The following CENPF variants were observed in gnomAD, a reference collection of about 807,000 sequenced individuals.
CENPF encodes AH antigen.
Under a neutral mutation model 307.3 loss-of-function variants are expected in CENPF, and 214 were observed. That is an observed-to-expected ratio of 0.70 (90% CI 0.62 to 0.78). The LOEUF is 0.78. CENPF is among the 30% of genes least tolerant of loss of function. The probability of loss-of-function intolerance (pLI) is 0.00; values close to 1 mark genes in which losing one functional copy is unlikely to be tolerated. For missense variants in CENPF, 3,401 were observed against 3,483.9 expected, an observed-to-expected ratio of 0.98 and a Z score of 0.60; for synonymous variants, 1,259 against 1,270.6, an observed-to-expected ratio of 0.99 and a Z score of 0.19.
intron 7 of CENPF, among the ~76,000 whole-genome samples, chr1:214,622,560 A>G (rs188939325): frequency 2.9e-4 from 44 of 152,306 alleles, no homozygotes; most frequent in African/African-American, 1.0e-3. Context: ...TATATATAGC[A>G]TCTAGCATGA....
chr1:214,651,508 C>T (rs1221837785), intron 14 of CENPF, among the ~76,000 whole-genome samples: 2 of 152,016 alleles, frequency 1.3e-5, no homozygotes, highest in Non-Finnish European at 2.9e-5. Flanking sequence ...GGTGGTTGGG[C>T]TGGAGCAGAG....
rs1658712812 is a variant in CENPF, at chr1:214,658,795, C to T, written c.8963-55C>T. 5.8e-6 allele frequency: 9 copies of T among 1,539,934 alleles called. No homozygotes were observed. The Admixed American group carries it at 1.6e-4, about 27-fold the overall frequency. On this transcript the variant is annotated intron_variant, in intron 18 of 19. Coordinates refer to ENST00000366955, the MANE Select transcript of CENPF (RefSeq NM_016343.4). ...AAAACCACCTAATGAATATCTTTTC[C>T]ACTGTAGATAGAATTGGACCTAGCA...
Position 214,645,071 on chromosome 1 carries a change from A to T in CENPF, c.5501A>T (p.Glu1834Val). Residue 1834 changes from glutamate to valine, a missense_variant, in exon 13 of 20, where the codon GAA (glutamate) becomes GTA (valine). Coordinates refer to ENST00000366955, the MANE Select transcript of CENPF (RefSeq NM_016343.4). ...ATAGAATTGGAAAAAATAGTTGGGG[A>T]ACTTAAGAAAGAAAACTCAGATTTA... ...ACIELEKIVGELKKENSDLSE... is the reference protein window; with the variant it reads ...ACIELEKIVGVLKKENSDLSE... 6.2e-7 allele frequency: 1 copy of T among 1,613,618 alleles called. No individual in the cohort carries two copies. Among genetic ancestry groups the T allele is most frequent in the Non-Finnish European group, 8.5e-7 (1 of 1,179,908 alleles).
At chr1:214,625,697 AT>A (rs1657635601) in intron 7 of CENPF, among the ~76,000 whole-genome samples, 1 of 150,472 alleles carries the variant, frequency 6.6e-6, no homozygotes, top group Non-Finnish European at 1.5e-5. Context: ...TTAAAAATCC[AT>A]TTTGATTTGT....
At chr1:214,628,475 C>T (rs1657716354) in intron 7 of CENPF, among the ~76,000 whole-genome samples, 1 of 152,074 alleles carries the variant, frequency 6.6e-6, no homozygotes. Flanking sequence ...CAGAATCTCG[C>T]TCTAATTGCC....
At position 214,647,192 on chromosome 1, in the gene CENPF, T is replaced by C. The variant is rs766398399; in HGVS notation, c.7622T>C (p.Leu2541Pro). The C allele has an allele frequency of 6.2e-7, 1 of 1,614,114 alleles. No individual in the cohort carries two copies. Among genetic ancestry groups the C allele is most frequent in the Non-Finnish European group, 8.5e-7 (1 of 1,179,996 alleles). Residue 2541 changes from leucine (L) to proline (P), a missense_variant, in exon 13 of 20, where the codon CTG becomes CCG. Leu to Pro is a moderately conservative substitution (Grantham distance 98). Coordinates refer to ENST00000366955, the MANE Select transcript of CENPF (RefSeq NM_016343.4). ...IQDQEQLVSK[L>P]SQVEGEHQLW... is the part of the protein sequence containing the mutation. ...GACCAAGAGCAGCTTGTCTCTAAAC[T>C]GTCCCAGGTGGAAGGAGAGCACCAA...
intron 9 of CENPF, among the ~76,000 whole-genome samples, 172 bp from the exon 10 acceptor site, chr1:214,632,308 G>T (rs1657830138): frequency 6.6e-6 from 1 of 151,992 alleles, no homozygotes; most frequent in South Asian, 2.1e-4. Context: ...GACGTCGCAA[G>T]GTCACATTAT....
At position 214,651,760 on chromosome 1, in the gene CENPF, A is replaced by C. The variant is rs758993313; in HGVS notation, c.8034A>C (p.Leu2678=). 4 of 1,612,994 alleles carry C rather than the reference A, an allele frequency of 2.5e-6. No individual in the cohort carries two copies. The highest frequency in any genetic ancestry group is 3.4e-6 in the Non-Finnish European group (4 of 1,179,660). ...TLENSELKKS[L]DCMHKDQVEK... ...AAAATAGTGAATTGAAGAAGAGCCTAGATTGCATGCACAAAGACCAGGTGG... is the reference window on the plus strand; with the variant it reads ...AAAATAGTGAATTGAAGAAGAGCCTCGATTGCATGCACAAAGACCAGGTGG... Residue 2678 remains leucine (L), a synonymous_variant, in exon 15 of 20, where the codon CTA becomes CTC. Coordinates refer to ENST00000366955, the MANE Select transcript of CENPF (RefSeq NM_016343.4).
intron 7 of CENPF, among the ~76,000 whole-genome samples, chr1:214,627,983 G>T (rs1471034668): frequency 6.6e-6 from 1 of 152,170 alleles, no homozygotes; most frequent in African/African-American, 2.4e-5. Flanking sequence ...GAGATACAAG[G>T]CTTGAATTCA....
rs1199120042 is a variant in CENPF at position 214,640,400 on chromosome 1, A to G, written c.2062A>G (p.Ser688Gly). ...CAGAAACCTTCACAACGTGTTAGAC[A>G]GTAAGTCAGTGGAGGTAGAGACCCA... is the stretch of plus-strand genomic sequence containing the variant. Reference protein sequence around the residue: ...EIRNLHNVLDSKSVEVETQKL... With the variant: ...EIRNLHNVLDGKSVEVETQKL... The change falls in exon 12 of 20, where the codon AGT becomes GGT. Residue 688 changes from serine to glycine, a missense_variant. Physicochemically the swap from Ser to Gly is moderately conservative, Grantham distance 56. Coordinates refer to ENST00000366955, the MANE Select transcript of CENPF (RefSeq NM_016343.4). 5 of 1,613,952 alleles carry G rather than the reference A, an allele frequency of 3.1e-6. No individual in the cohort carries two copies. The highest frequency in any genetic ancestry group is 3.4e-6 in the Non-Finnish European group (4 of 1,180,010).
rs753271945 is a variant in CENPF at position 214,645,397 on chromosome 1, CAGA to C, written c.5830_5832del (p.Lys1944del). On this transcript the variant is annotated inframe_deletion, in exon 13 of 20. Transcript: ENST00000366955. ...TTTAGAAAAAGACAATGAAAATAAG[CAGA>C]AGGTTATTGTCTGCCTTGAAGAAGA... is the stretch of plus-strand genomic sequence containing the variant. 1.9e-6 allele frequency: 3 copies of C among 1,613,966 alleles called. No homozygotes were observed.
In CENPF at chr1:214,629,089, T is replaced by G. The variant is rs953076110; in HGVS notation, c.1112T>G (p.Leu371Trp). The change falls in exon 8 of 20, where the codon TTG becomes TGG. Residue 371 changes from leucine to tryptophan, a missense_variant. By Grantham distance (61) the Leu-to-Trp change is moderately conservative. Transcript: ENST00000366955. ...EQKLKKLTED[L>W]SCQRQNAESA... ...AAACTGAAAAAATTGACGGAAGATT[T>G]GAGTTGTCAGCGACAAAATGCAGAA... The G allele has an allele frequency of 1.2e-6, 2 of 1,611,606 alleles. No individual in the cohort carries two copies. Among genetic ancestry groups the G allele is most frequent in the Non-Finnish European group, 1.7e-6 (2 of 1,179,094 alleles).
chr1:214,652,957 ACTC>A lies in CENPF; in HGVS notation c.8291_8293del (p.Thr2764_Gln2765delinsLys), dbSNP rs1487528485. ...GCTCAATAATTCATTGAAAGCTACT[ACTC>A]AGATTTTGGAAGAATTGAAGAAAAC... On this transcript the variant is annotated inframe_deletion, in exon 16 of 20. Coordinates refer to ENST00000366955, the MANE Select transcript of CENPF (RefSeq NM_016343.4). 13 of 1,604,700 alleles carry A rather than the reference ACTC, an allele frequency of 8.1e-6. No homozygotes were observed. The highest frequency in any genetic ancestry group is 1.0e-5 in the Non-Finnish European group (12 of 1,177,416).
rs148103169 is a variant in CENPF at position 214,648,048 on chromosome 1, G to C, written c.7831-627G>C. On this transcript the variant is annotated intron_variant, in intron 13 of 19. Coordinates refer to ENST00000366955, the MANE Select transcript of CENPF (RefSeq NM_016343.4). ...AGTTTTGGCCCAGTGAGCTTACTTAGTGATCTAGGAAAGTGATTTTGTCAC... is the reference window on the plus strand; with the variant it reads ...AGTTTTGGCCCAGTGAGCTTACTTACTGATCTAGGAAAGTGATTTTGTCAC... The C allele has an allele frequency of 8.3e-3, 3,661 of 442,658 alleles. 19 individuals are homozygous for C. Among genetic ancestry groups the C allele is most frequent in the Middle Eastern group, 0.017 (31 of 1,826 alleles). The allele number at this position is 442,658 out of a possible 1,614,324, so 27.4% of individuals were successfully genotyped here. A position where few individuals can be genotyped will look rare whatever the true frequency, so the allele number is the denominator to read the frequency against.
At chr1:214,609,121 G>GCGCCTGGC (rs1425379816) in intron 1 of CENPF, among the ~76,000 whole-genome samples, 1 of 151,820 alleles carries the variant, frequency 6.6e-6, no homozygotes, top group African/African-American at 2.4e-5. Context: ...GCACTCCATG[G>GCGCCTGGC]CGCCTGGCCG....
chr1:214,624,493 A>T (rs910486104), intron 7 of CENPF, among the ~76,000 whole-genome samples: 4 of 152,044 alleles, frequency 2.6e-5, no homozygotes, highest in African/African-American at 9.7e-5. Flanking sequence ...ATATTGGGGG[A>T]ATTAGGATAG....
Position 214,644,706 on chromosome 1 carries a change from T to C in CENPF, c.5136T>C (p.Thr1712=). The C allele has an allele frequency of 5.0e-6, 8 of 1,614,018 alleles. No individual in the cohort carries two copies. Among genetic ancestry groups the C allele is most frequent in the Non-Finnish European group, 6.8e-6 (8 of 1,179,932 alleles). Residue 1712 remains threonine (T), a synonymous_variant, in exon 13 of 20, where the codon ACT becomes ACC. Coordinates refer to ENST00000366955, the MANE Select transcript of CENPF (RefSeq NM_016343.4). ...TAGACATTGAGAAAATAACTGAGAC[T>C]GGTGCAGTGAAACCCACAGGAGAGT... ...LNLDIEKITE[T]GAVKPTGECS...
At position 214,657,137 on chromosome 1, in the gene CENPF, C is replaced by T. The variant is rs769726140; in HGVS notation, c.8690C>T (p.Ser2897Phe). Residue 2897 changes from serine (S) to phenylalanine (F), a missense_variant, in exon 18 of 20, where the codon TCC becomes TTC. By Grantham distance (155) the Ser-to-Phe change is radical. Coordinates refer to ENST00000366955, the MANE Select transcript of CENPF (RefSeq NM_016343.4). ...HLCSQQSKQD[S>F]RGSPLLGPVV... ...TGTTCACAGCAATCTAAACAAGATT[C>T]CCGAGGGTCTCCTTTGCTAGGTCCA... The T allele has an allele frequency of 5.0e-6, 8 of 1,614,032 alleles. No homozygotes were observed. The highest frequency in any genetic ancestry group is 2.5e-6 in the Non-Finnish European group (3 of 1,180,012).
At chr1:214,649,767 G>C (rs960939521) in intron 14 of CENPF, among the ~76,000 whole-genome samples, 1 of 152,130 alleles carries the variant, frequency 6.6e-6, no homozygotes, top group Non-Finnish European at 1.5e-5. Flanking sequence ...GAGTAGCTTG[G>C]GAGTGTCCCA....
Sources: gnomAD v4.1 joint callset for allele counts (sites outside exome capture counted in the v4.1 genomes callset) on GRCh38, gnomAD v4.1.1 for gene constraint, MANE v1.5 for transcripts, NCBI Gene and HGNC (gene_info 2026-07-23, HGNC 2026-07-21) for gene names.